TMEM132D: variants seen among roughly 807,000 people sequenced by gnomAD.
The protein encoded by TMEM132D is mature OL transmembrane protein.
TMEM132D carries 21 observed loss-of-function variants against 62.3 expected under a neutral mutation model. The observed-to-expected ratio is 0.34, with a 90% CI of 0.24 to 0.49. The LOEUF is 0.49. TMEM132D is among the 20% of genes least tolerant of loss of function. The pLI is 0.99. For synonymous variants in TMEM132D, 621 were observed against 575.6 expected (o/e 1.08, Z -1.13); for missense variants, 1,346 against 1,402.8 (o/e 0.96, Z 0.65).
intron 4 of TMEM132D, among the ~76,000 whole-genome samples, chr12:129,320,091 G>C (rs1406666286): frequency 2.0e-5 from 3 of 152,188 alleles, no homozygotes; most frequent in Non-Finnish European, 4.4e-5. Context: ...CAATAATGCA[G>C]TGCACCTTTC....
At chr12:129,469,983 T>C (rs531423938) in intron 3 of TMEM132D, among the ~76,000 whole-genome samples, 1 of 152,270 alleles carries the variant, frequency 6.6e-6, no homozygotes, top group East Asian at 1.9e-4. Flanking sequence ...GGAAAAGGTA[T>C]TGACTATGTA....
chr12:129,139,750 A>T (rs1426982251), intron 5 of TMEM132D, among the ~76,000 whole-genome samples: 1 of 152,192 alleles, frequency 6.6e-6, no homozygotes, highest in African/African-American at 2.4e-5. Flanking sequence ...AGAGTGCAGT[A>T]GTGTGATCAC....
At chr12:129,221,408 G>A in intron 4 of TMEM132D, among the ~76,000 whole-genome samples, 1 of 152,180 alleles carries the variant, frequency 6.6e-6, no homozygotes, top group East Asian at 1.9e-4. Flanking sequence ...AACTTATCCT[G>A]ATTAATACAC....
chr12:129,399,001 C>T lies in TMEM132D; in HGVS notation c.1116-61184G>A, dbSNP rs183794260. Among the ~76,000 whole-genome samples, 75 of 152,242 alleles carry T rather than the reference C, an allele frequency of 4.9e-4. 1 individual carries two copies. Among genetic ancestry groups the T allele is most frequent in the Non-Finnish European group, 1.0e-3 (68 of 68,018 alleles). ...GCTGGGACATCCAAGATCAAGGGGCCACATTTGGCAGGGACCTTCTTGCTG... is the reference window on the plus strand; with the variant it reads ...GCTGGGACATCCAAGATCAAGGGGCTACATTTGGCAGGGACCTTCTTGCTG... On this transcript the variant is annotated intron_variant, in intron 3 of 8. Transcript: ENST00000422113.
intron 4 of TMEM132D, among the ~76,000 whole-genome samples, chr12:129,287,144 T>C (rs1335910992): frequency 2.0e-5 from 3 of 152,002 alleles, no homozygotes; most frequent in East Asian, 1.9e-4. Flanking sequence ...GGACCTCTTA[T>C]AGCACAAAAC....
chr12:129,842,435 C>T (rs1350479671), intron 1 of TMEM132D, among the ~76,000 whole-genome samples: 1 of 150,826 alleles, frequency 6.6e-6, no homozygotes, highest in Non-Finnish European at 1.5e-5. Context: ...CTACTGATGC[C>T]ATTGAGGCAG....
intron 1 of TMEM132D, among the ~76,000 whole-genome samples, chr12:129,816,775 C>G (rs1872357807): frequency 6.6e-6 from 1 of 152,180 alleles, no homozygotes; most frequent in Admixed American, 6.5e-5. Context: ...TATGTTTCTT[C>G]ACTGATATGA....
intron 1 of TMEM132D, among the ~76,000 whole-genome samples, chr12:129,838,892 G>A (rs1397919816): frequency 6.6e-6 from 1 of 151,404 alleles, no homozygotes; most frequent in Admixed American, 6.6e-5. Flanking sequence ...CCATTTAGCA[G>A]TATAAACTGC....
chr12:129,777,904 T>G (rs1320035082), intron 1 of TMEM132D, among the ~76,000 whole-genome samples: 1 of 151,906 alleles, frequency 6.6e-6, no homozygotes, highest in East Asian at 1.9e-4. Context: ...GAAGCCGAGG[T>G]GGGAGGATCA....
At chr12:129,185,572 A>T (rs1319479252) in intron 5 of TMEM132D, among the ~76,000 whole-genome samples, 1 of 151,526 alleles carries the variant, frequency 6.6e-6, no homozygotes, top group Non-Finnish European at 1.5e-5. Context: ...TATTTTTATT[A>T]TATTATTTTA....
chr12:129,162,598 C>T (rs770122896), intron 5 of TMEM132D, among the ~76,000 whole-genome samples: 8 of 152,156 alleles, frequency 5.3e-5, no homozygotes, highest in Admixed American at 1.3e-4. Context: ...GGTTGGATCC[C>T]TTATGAGTGC....
intron 1 of TMEM132D, among the ~76,000 whole-genome samples, chr12:129,877,650 G>GC (rs1874470724): frequency 6.6e-6 from 1 of 151,988 alleles, no homozygotes; most frequent in Admixed American, 6.5e-5. Flanking sequence ...GAGAGAGAGA[G>GC]AGAGCGCTAT....
At chr12:129,189,008 T>C (rs1039068568) in intron 5 of TMEM132D, among the ~76,000 whole-genome samples, 1 of 152,118 alleles carries the variant, frequency 6.6e-6, no homozygotes, top group African/African-American at 2.4e-5. Flanking sequence ...TACAACAGAA[T>C]TGATGCTACT....
intron 3 of TMEM132D, among the ~76,000 whole-genome samples, chr12:129,445,120 T>C (rs555824763): frequency 6.6e-6 from 1 of 152,190 alleles, no homozygotes; most frequent in African/African-American, 2.4e-5. Flanking sequence ...GAAAATGTGG[T>C]ATATAAACAC....
At chr12:129,261,997 A>C (rs900495370) in intron 4 of TMEM132D, among the ~76,000 whole-genome samples, 1 of 152,122 alleles carries the variant, frequency 6.6e-6, no homozygotes, top group Admixed American at 6.5e-5. Flanking sequence ...AGAGGGAGAA[A>C]TGTCAAGTGG....
chr12:129,330,290 T>C (rs1309557144), intron 4 of TMEM132D, among the ~76,000 whole-genome samples: 2 of 152,194 alleles, frequency 1.3e-5, no homozygotes, highest in African/African-American at 4.8e-5. Context: ...GTATGAAATA[T>C]CACACGTCAG....
intron 1 of TMEM132D, among the ~76,000 whole-genome samples, chr12:129,831,774 A>AT (rs1235107856): frequency 6.7e-6 from 1 of 148,442 alleles, no homozygotes; most frequent in African/African-American, 2.5e-5. Context: ...CAGGGTGCGC[A>AT]TCTTCCAGCC....
At chr12:129,818,450 A>G (rs1252094700) in intron 1 of TMEM132D, among the ~76,000 whole-genome samples, 8 of 104,408 alleles carry the variant, frequency 7.7e-5, no homozygotes, top group Admixed American at 2.9e-4. Flanking sequence ...GTGTGTGTCT[A>G]TGTGTGTATC....
intron 3 of TMEM132D, among the ~76,000 whole-genome samples, chr12:129,361,847 C>G (rs1870257359): frequency 6.6e-6 from 1 of 152,100 alleles, no homozygotes; most frequent in African/African-American, 2.4e-5. Flanking sequence ...AAAAAAGAGG[C>G]AAATCAACAA....
Sources: allele counts gnomAD v4.1 joint callset (sites outside exome capture counted in the v4.1 genomes callset), GRCh38; gene constraint gnomAD v4.1.1; transcripts MANE v1.5; gene names NCBI Gene and HGNC (gene_info 2026-07-23, HGNC 2026-07-21).